The following TMEM163 variants were observed in gnomAD, a reference collection of about 807,000 sequenced individuals.
The protein encoded by TMEM163 is transmembrane protein 163.
TMEM163 carries 17 observed loss-of-function variants against 29.3 expected under a neutral mutation model. The observed-to-expected ratio is 0.58, with a 90% CI of 0.40 to 0.87. The LOEUF is 0.87. TMEM163 is among the 40% of genes least tolerant of loss of function. The pLI is 0.00. For synonymous variants in TMEM163, 157 were observed against 160.6 expected (o/e 0.98, Z 0.17); for missense variants, 303 against 381.5 (o/e 0.79, Z 1.71).
At chr2:134,660,492 G>A (rs914330795) in intron 2 of TMEM163, among the ~76,000 whole-genome samples, 25 of 152,196 alleles carry the variant, frequency 1.6e-4, no homozygotes, top group African/African-American at 6.0e-4. Context: ...AGTGTCATAG[G>A]TAGAAGCTCA....
intron 2 of TMEM163, among the ~76,000 whole-genome samples, chr2:134,611,013 C>T (rs540623581): frequency 9.2e-5 from 14 of 152,206 alleles, no homozygotes; most frequent in African/African-American, 3.4e-4. Flanking sequence ...GGTGTATGCA[C>T]AGCTGACAAA....
At chr2:134,674,897 A>G (rs1353122326) in intron 2 of TMEM163, among the ~76,000 whole-genome samples, 1 of 152,220 alleles carries the variant, frequency 6.6e-6, no homozygotes, top group Admixed American at 6.5e-5. Flanking sequence ...TTGTAGCCAA[A>G]GCTACTTATC....
chr2:134,709,079 T>G (rs1684874459), intron 2 of TMEM163, among the ~76,000 whole-genome samples: 1 of 152,182 alleles, frequency 6.6e-6, no homozygotes, highest in African/African-American at 2.4e-5. Context: ...TCAGAATGCA[T>G]TTTCCTAAAT....
intron 5 of TMEM163, among the ~76,000 whole-genome samples, chr2:134,493,174 T>C (rs1277695991): frequency 3.9e-5 from 6 of 152,074 alleles, no homozygotes; most frequent in African/African-American, 1.4e-4. Flanking sequence ...TAAGTCCCTT[T>C]TCTTATTGGG....
chr2:134,472,414 A>G (rs1367147843), intron 5 of TMEM163, among the ~76,000 whole-genome samples: 3 of 152,262 alleles, frequency 2.0e-5, no homozygotes, highest in Admixed American at 6.5e-5. Flanking sequence ...AAAAGAAATG[A>G]AAGCCAAAAC....
chr2:134,467,551 G>A (rs1355608986), intron 5 of TMEM163: 2 of 152,132 alleles, frequency 1.3e-5, no homozygotes, highest in African/African-American at 2.4e-5. Context: ...AAACCCAAAC[G>A]GAGGGACCGT....
intron 5 of TMEM163, among the ~76,000 whole-genome samples, chr2:134,499,321 A>G (rs978749816): frequency 1.3e-5 from 2 of 152,254 alleles, no homozygotes; most frequent in Non-Finnish European, 2.9e-5. Flanking sequence ...CCTATTGGTA[A>G]AAGGAAAGCA....
chr2:134,566,155 G>T (rs1681296399), intron 2 of TMEM163, among the ~76,000 whole-genome samples: 1 of 152,030 alleles, frequency 6.6e-6, no homozygotes, highest in Non-Finnish European at 1.5e-5. Flanking sequence ...AAAAGATAAG[G>T]CAAGAAAGCA....
intron 1 of TMEM163, among the ~76,000 whole-genome samples, chr2:134,714,361 A>C (rs770204515): frequency 1.5e-4 from 23 of 152,238 alleles, no homozygotes; most frequent in Non-Finnish European, 2.5e-4. Flanking sequence ...AGAATGAAGA[A>C]ATTGGTAATG....
At chr2:134,713,591 C>T (rs760288690) in intron 1 of TMEM163, 5 of 578,722 alleles carry the variant, frequency 8.6e-6, no homozygotes, top group Middle Eastern at 2.7e-4. Flanking sequence ...ACAGACCCCA[C>T]CACTCCTTGA....
rs541752548 is a variant in TMEM163 at position 134,558,656 on chromosome 2, G to A, written c.323-6565C>T. 9.7e-4 allele frequency among the ~76,000 whole-genome samples: 147 copies of A among 152,312 alleles called. 1 individual carries two copies. Among genetic ancestry groups the A allele is most frequent in the African/African-American group, 3.3e-3 (138 of 41,570 alleles). On this transcript the variant is annotated intron_variant, in intron 2 of 7. Coordinates refer to ENST00000281924, the MANE Select transcript of TMEM163 (RefSeq NM_030923.5). ...TGGAAATGCACAAAGAGGTAAGGAT[G>A]CCAGCAAGGCAACAGAGGATCAGTG...
chr2:134,542,679 T>C (rs1680702326), intron 4 of TMEM163, among the ~76,000 whole-genome samples: 1 of 152,104 alleles, frequency 6.6e-6, no homozygotes, highest in Non-Finnish European at 1.5e-5. Context: ...AAAATTTTCT[T>C]CCATGAAATC....
At chr2:134,474,649 A>G (rs933178982) in intron 5 of TMEM163, among the ~76,000 whole-genome samples, 4 of 152,190 alleles carry the variant, frequency 2.6e-5, no homozygotes, top group African/African-American at 9.6e-5. Flanking sequence ...AAACATACTT[A>G]TTAGAACTAT....
intron 2 of TMEM163, among the ~76,000 whole-genome samples, chr2:134,646,351 C>G (rs534404577): frequency 6.6e-6 from 1 of 152,290 alleles, no homozygotes; most frequent in Non-Finnish European, 1.5e-5. Context: ...TCCCAAAGTG[C>G]TGGGATTACA....
chr2:134,587,952 TA>T (rs1367073748), intron 2 of TMEM163, among the ~76,000 whole-genome samples: 1 of 152,216 alleles, frequency 6.6e-6, no homozygotes, highest in Non-Finnish European at 1.5e-5. Context: ...AACCTCTCTA[TA>T]AATCACCACA....
chr2:134,600,739 C>T lies in TMEM163; in HGVS notation c.323-48648G>A, dbSNP rs546034632. Among the ~76,000 whole-genome samples, 11 of 152,256 alleles carry T rather than the reference C, an allele frequency of 7.2e-5. No homozygotes were observed. In the East Asian group the frequency reaches 2.1e-3, roughly 29 times the overall value. ...TAAGTTGCTCCTTCTTCAGGTTTCT[C>T]AGGTAAAGGAGGCCAGCACATGGCA... is the stretch of plus-strand genomic sequence containing the variant. On this transcript the variant is annotated intron_variant, in intron 2 of 7. Coordinates refer to ENST00000281924, the MANE Select transcript of TMEM163 (RefSeq NM_030923.5).
At chr2:134,686,003 G>T (rs1254442143) in intron 2 of TMEM163, among the ~76,000 whole-genome samples, 3 of 152,204 alleles carry the variant, frequency 2.0e-5, no homozygotes, top group African/African-American at 7.2e-5. Context: ...GACTCTGCCA[G>T]CCATATACCT....
intron 2 of TMEM163, among the ~76,000 whole-genome samples, chr2:134,711,709 CTATTA>C (rs1362218577): frequency 6.6e-6 from 1 of 152,154 alleles, no homozygotes; most frequent in Non-Finnish European, 1.5e-5. Context: ...TAATTTTTGT[CTATTA>C]TGAGACTTAA....
At chr2:134,663,537 C>T (rs564135568) in intron 2 of TMEM163, among the ~76,000 whole-genome samples, 7 of 152,348 alleles carry the variant, frequency 4.6e-5, no homozygotes, top group Admixed American at 1.3e-4. Context: ...TGATCACATG[C>T]TCTAAATGTG....
Sources: allele counts gnomAD v4.1 joint callset (sites outside exome capture counted in the v4.1 genomes callset), GRCh38; gene constraint gnomAD v4.1.1; transcripts MANE v1.5; gene names NCBI Gene and HGNC (gene_info 2026-07-23, HGNC 2026-07-21).